ANTXRL: variants seen among roughly 807,000 people sequenced by gnomAD.
ANTXRL encodes ANTXR like.
Under a neutral mutation model 75.4 loss-of-function variants are expected in ANTXRL, and 63 were observed. The ratio of observed to expected loss-of-function variants is 0.84; its 90% CI spans 0.68 to 1.03. ANTXRL has a LOEUF of 1.03. ANTXRL is among the 50% of genes least tolerant of loss of function. ANTXRL has a pLI of 0.00. For missense variants in ANTXRL, 797 were observed against 789.4 expected, an observed-to-expected ratio of 1.01 and a Z score of -0.12; for synonymous variants, 335 against 291.3, an observed-to-expected ratio of 1.15 and a Z score of -1.53.
At chr10:46,310,420 AC>A in intron 13 of ANTXRL, 40 bp from the exon 14 acceptor site, 1 of 1,531,706 alleles carries the variant, frequency 6.5e-7, no homozygotes, top group Non-Finnish European at 8.7e-7. Context: ...GAGCCCGCCC[AC>A]CCCCATCCAG....
At chr10:46,300,279 G>A (rs1314103927) in intron 9 of ANTXRL, among the ~76,000 whole-genome samples, 3 of 152,202 alleles carry the variant, frequency 2.0e-5, no homozygotes, top group African/African-American at 4.8e-5. Flanking sequence ...CAAGGCAGGA[G>A]CCTGAAACCC....
intron 10 of ANTXRL, among the ~76,000 whole-genome samples, chr10:46,305,140 C>A (rs1240216235): frequency 6.6e-6 from 1 of 152,200 alleles, no homozygotes; most frequent in African/African-American, 2.4e-5. Flanking sequence ...TTGGCCACCA[C>A]TGAACACGCC....
chr10:46,304,636 T>A (rs1256027800), intron 10 of ANTXRL, among the ~76,000 whole-genome samples: 4 of 152,196 alleles, frequency 2.6e-5, no homozygotes, highest in East Asian at 1.9e-4. Context: ...CTTAGCCCTA[T>A]TTGTCATGGA....
intron 16 of ANTXRL, among the ~76,000 whole-genome samples, chr10:46,327,488 T>C (rs1447034106): frequency 1.3e-5 from 2 of 151,674 alleles, no homozygotes; most frequent in African/African-American, 4.8e-5. Context: ...CAGACACAGG[T>C]GGCTCAGGAC....
chr10:46,313,042 T>C (rs1435724788), intron 15 of ANTXRL, among the ~76,000 whole-genome samples, 194 bp from the exon 16 acceptor site: 1 of 152,170 alleles, frequency 6.6e-6, no homozygotes, highest in African/African-American at 2.4e-5. Flanking sequence ...TTGTTCTAGA[T>C]TCCAAAACTC....
Position 46,317,810 on chromosome 10 carries a change from T to C in ANTXRL, c.1410+4494T>C, listed in dbSNP as rs115933238. Among the ~76,000 whole-genome samples the C allele has an allele frequency of 2.4e-3, 372 of 152,278 alleles. 2 individuals carry two copies. The highest frequency in any genetic ancestry group is 8.7e-3 in the African/African-American group (360 of 41,530). ...CACTGGCAATTAAGGTTTCTGATTGTTTGCCAATCACTTCAGGAAATGTCC... is the reference window on the plus strand; with the variant it reads ...CACTGGCAATTAAGGTTTCTGATTGCTTGCCAATCACTTCAGGAAATGTCC... On this transcript the variant is annotated intron_variant, in intron 16 of 16. Transcript: ENST00000620264.
chr10:46,326,296 G>C (rs1304068362), intron 16 of ANTXRL, among the ~76,000 whole-genome samples: 2 of 152,026 alleles, frequency 1.3e-5, no homozygotes, highest in African/African-American at 4.8e-5. Context: ...AGGGAGAAAT[G>C]AGTGGACAGC....
chr10:46,308,154 T>C (rs1380515553), intron 12 of ANTXRL, among the ~76,000 whole-genome samples: 2 of 152,170 alleles, frequency 1.3e-5, no homozygotes, highest in Non-Finnish European at 2.9e-5. Context: ...CAGTCTCACT[T>C]GTGAGGACAC....
Position 46,287,273 on chromosome 10 carries a change from A to G in ANTXRL, c.11A>G (p.His4Arg), listed in dbSNP as rs782818475. The G allele has an allele frequency of 1.5e-5, 23 of 1,535,726 alleles. No homozygotes were observed. The South Asian group carries it at 2.1e-4, about 14-fold the overall frequency. Reference sequence around the variant, plus strand: ...AGGGACAGCCAGATAATGGGGAGCCATGAGTCCCTGGGGCCCTACTTCCTG... The same window carrying G: ...AGGGACAGCCAGATAATGGGGAGCCGTGAGTCCCTGGGGCCCTACTTCCTG... MGS[H>R]ESLGPYFLVF... The change falls in exon 1 of 17, where the codon CAT becomes CGT. Residue 4 changes from histidine (H) to arginine (R), a missense_variant. Physicochemically the swap from His to Arg is conservative, Grantham distance 29. This residue lies in a region of ANTXRL where 262 missense variants were observed against 271.9 expected (regional missense o/e 0.96). Transcript: ENST00000620264.
intron 16 of ANTXRL, among the ~76,000 whole-genome samples, chr10:46,315,889 T>C (rs2132856190): frequency 6.6e-6 from 1 of 152,320 alleles, no homozygotes; most frequent in Admixed American, 6.5e-5. Flanking sequence ...TTTCAATTTT[T>C]GTTTTAAATT....
intron 16 of ANTXRL, among the ~76,000 whole-genome samples, chr10:46,327,676 T>C (rs10737107): frequency 0.25 from 37,731 of 151,608 alleles, 4,972 homozygotes; most frequent in African/African-American, 0.41. Context: ...CACTCACATG[T>C]CCAAGGGGAG....
intron 3 of ANTXRL, among the ~76,000 whole-genome samples, chr10:46,294,615 C>T (rs1343577045): frequency 6.6e-6 from 1 of 152,010 alleles, no homozygotes; most frequent in Non-Finnish European, 1.5e-5. Flanking sequence ...CTTGCAGTTT[C>T]GAGGGAATAC....
chr10:46,322,800 GTCA>G (rs1328289366), intron 16 of ANTXRL, among the ~76,000 whole-genome samples: 2 of 152,146 alleles, frequency 1.3e-5, no homozygotes, highest in Non-Finnish European at 2.9e-5. Flanking sequence ...TACTGAGTAG[GTCA>G]TCATGAGAGA....
intron 12 of ANTXRL, among the ~76,000 whole-genome samples, chr10:46,307,928 C>T (rs1412417434): frequency 3.3e-5 from 5 of 152,136 alleles, no homozygotes; most frequent in Admixed American, 6.5e-5. Flanking sequence ...TCGCCAAGCC[C>T]TGTAGTATGT....
chr10:46,309,222 C>T lies in ANTXRL; in HGVS notation c.1134+20C>T. On this transcript the variant is annotated intron_variant, in intron 13 of 16. Transcript: ENST00000620264. ...AAGCAGGCAAGTGCTCCCTGCCCGCCCAGCTCTGGGGCCCAGGCACAGGCC... is the reference window on the plus strand; with the variant it reads ...AAGCAGGCAAGTGCTCCCTGCCCGCTCAGCTCTGGGGCCCAGGCACAGGCC... 6.5e-7 allele frequency: 1 copy of T among 1,535,564 alleles called. No homozygotes were observed. The highest frequency in any genetic ancestry group is 8.7e-7 in the Non-Finnish European group (1 of 1,146,686).
chr10:46,319,296 A>T (rs551736687), intron 16 of ANTXRL, among the ~76,000 whole-genome samples: 1 of 152,298 alleles, frequency 6.6e-6, no homozygotes, highest in South Asian at 2.1e-4. Flanking sequence ...TGATCTCAGT[A>T]TGGAATTCAC....
intron 15 of ANTXRL, among the ~76,000 whole-genome samples, chr10:46,312,092 A>ACCT (rs1838462380): frequency 6.8e-6 from 1 of 146,778 alleles, no homozygotes; most frequent in Non-Finnish European, 1.5e-5. Flanking sequence ...AATAGAAATG[A>ACCT]CCAGTCCTGA....
intron 12 of ANTXRL, among the ~76,000 whole-genome samples, chr10:46,308,867 G>A (rs1420572538): frequency 6.6e-6 from 1 of 152,156 alleles, no homozygotes; most frequent in African/African-American, 2.4e-5. Flanking sequence ...GTGCAGTGAG[G>A]GTGGGATCAT....
chr10:46,296,068 G>A lies in ANTXRL; in HGVS notation c.442G>A (p.Gly148Ser), dbSNP rs151298007. 9.1e-6 allele frequency: 14 copies of A among 1,535,878 alleles called. No homozygotes were observed. The East Asian group carries it at 2.4e-4, about 27-fold the overall frequency. ...CCAACTTCAGAAAATTGTGCCTGAC[G>A]GTCACACATTCATGCAGGCAGGATT... ...LDQLQKIVPDGHTFMQAGFRK... is the reference protein window; with the variant it reads ...LDQLQKIVPDSHTFMQAGFRK... Residue 148 changes from glycine to serine, a missense_variant, in exon 4 of 17, where the codon GGT (glycine) becomes AGT (serine). Around this residue, in one of 3 missense-constraint regions of ANTXRL, gnomAD observed 262 missense variants for 271.9 expected, o/e 0.96. Transcript: ENST00000620264.
Sources: allele counts gnomAD v4.1 joint callset (sites outside exome capture counted in the v4.1 genomes callset), GRCh38; gene constraint gnomAD v4.1.1; regional missense constraint gnomAD v4.1.1; transcripts MANE v1.5; gene names NCBI Gene and HGNC (gene_info 2026-07-23, HGNC 2026-07-21).